MAF: variants seen among roughly 807,000 people sequenced by gnomAD.
MAF encodes the protein MAF bZIP transcription factor.
MAF carries 10 observed loss-of-function variants against 22.0 expected under a neutral mutation model. The observed-to-expected ratio is 0.45, with a 90% confidence interval of 0.28 to 0.77. The LOEUF is 0.77. Ranked by LOEUF, MAF falls within the 30% of genes least tolerant of loss-of-function variation. The pLI is 0.12. For synonymous variants in MAF, 337 were observed against 255.8 expected, an observed-to-expected ratio of 1.32 and a Z score of -3.03; for missense variants, 544 against 548.4, an observed-to-expected ratio of 0.99 and a Z score of 0.08.
chr16:79,557,847 G>A, the MAF span, among the ~76,000 whole-genome samples: 1 of 151,964 alleles, frequency 6.6e-6, no homozygotes, highest in Admixed American at 6.5e-5. Flanking sequence ...GCATTATGAA[G>A]GAGACATGTG....
chr16:79,529,002 C>CA, the MAF span, among the ~76,000 whole-genome samples: 1 of 152,202 alleles, frequency 6.6e-6, no homozygotes, highest in African/African-American at 2.4e-5. Context: ...TTGGTGCCAG[C>CA]AAAAGGAGCT....
the MAF span, among the ~76,000 whole-genome samples, chr16:79,217,666 G>A: frequency 5.9e-5 from 9 of 152,154 alleles, no homozygotes; most frequent in East Asian, 1.9e-4. Flanking sequence ...CTCTGCAGTC[G>A]TTTTCTTCCA....
At chr16:79,278,472 G>A in the MAF span, among the ~76,000 whole-genome samples, 1 of 152,102 alleles carries the variant, frequency 6.6e-6, no homozygotes, top group Non-Finnish European at 1.5e-5. Context: ...CAAATCCTCC[G>A]GCTTGCTTTT....
the MAF span, among the ~76,000 whole-genome samples, chr16:79,448,934 C>T: frequency 1.3e-5 from 2 of 152,056 alleles, no homozygotes; most frequent in African/African-American, 4.8e-5. Context: ...TTATTGTGCA[C>T]TTTATTTCTG....
At chr16:79,258,498 G>A in the MAF span, among the ~76,000 whole-genome samples, 8 of 152,184 alleles carry the variant, frequency 5.3e-5, no homozygotes, top group Admixed American at 1.3e-4. Flanking sequence ...CCTCTCTCCT[G>A]TAATGGAGCT....
chr16:79,527,109 T>A, the MAF span, among the ~76,000 whole-genome samples: 4 of 152,182 alleles, frequency 2.6e-5, no homozygotes, highest in Non-Finnish European at 5.9e-5. Context: ...CACTTGGATA[T>A]AGCTGTGTGT....
At chr16:79,393,702 C>T in the MAF span, among the ~76,000 whole-genome samples, 2 of 152,124 alleles carry the variant, frequency 1.3e-5, no homozygotes, top group African/African-American at 2.4e-5. Flanking sequence ...CCTGGGACAT[C>T]GATGCTTGGC....
the MAF span, chr16:79,204,410 T>TAGG: frequency 6.6e-6 from 1 of 152,160 alleles, no homozygotes; most frequent in Non-Finnish European, 1.5e-5. Context: ...CTTCCCTCGT[T>TAGG]AGGAGTACCC....
At chr16:79,318,590 C>T in the MAF span, among the ~76,000 whole-genome samples, 1 of 152,214 alleles carries the variant, frequency 6.6e-6, no homozygotes. Context: ...TTACTGCTGA[C>T]AGCCCTTGGC....
chr16:79,552,214 T>C, the MAF span, among the ~76,000 whole-genome samples: 1 of 130,018 alleles, frequency 7.7e-6, no homozygotes, highest in African/African-American at 2.6e-5. Context: ...TCTGCTGCTC[T>C]CTCTTCTTTT....
the MAF span, among the ~76,000 whole-genome samples, chr16:79,334,140 A>G: frequency 1.3e-5 from 2 of 152,356 alleles, no homozygotes; most frequent in African/African-American, 4.8e-5. Context: ...CCAAAGACAC[A>G]TTCAAGAACG....
the MAF span, among the ~76,000 whole-genome samples, chr16:79,433,284 A>G: frequency 6.9e-6 from 1 of 145,596 alleles, no homozygotes; most frequent in South Asian, 2.2e-4. Flanking sequence ...AAAAATATAT[A>G]TATATATATA....
the MAF span, among the ~76,000 whole-genome samples, chr16:79,345,331 A>G: frequency 3.3e-5 from 5 of 152,198 alleles, no homozygotes; most frequent in Admixed American, 1.3e-4. Flanking sequence ...CATTTCATCC[A>G]AATTTGTCCT....
chr16:79,265,283 C>T, the MAF span, among the ~76,000 whole-genome samples: 1 of 152,116 alleles, frequency 6.6e-6, no homozygotes, highest in Non-Finnish European at 1.5e-5. Context: ...ATACTTTAAT[C>T]CTGACTATCA....
the MAF span, among the ~76,000 whole-genome samples, chr16:79,501,642 G>A: frequency 2.0e-5 from 3 of 152,156 alleles, no homozygotes; most frequent in African/African-American, 7.2e-5. Context: ...CTGAAATTAT[G>A]CTGACTGTCA....
the MAF span, among the ~76,000 whole-genome samples, chr16:79,387,821 G>C: frequency 5.1e-4 from 78 of 152,248 alleles, no homozygotes; most frequent in East Asian, 5.8e-4. Flanking sequence ...GATTAGAAAA[G>C]ACTAACTTCA....
chr16:79,575,041 T>A, the MAF span, among the ~76,000 whole-genome samples: 2 of 146,364 alleles, frequency 1.4e-5, no homozygotes, highest in Non-Finnish European at 3.0e-5. Flanking sequence ...TTTTTTTTAA[T>A]ACTGATGTCT....
the MAF span, among the ~76,000 whole-genome samples, chr16:79,510,322 A>G: frequency 1.3e-5 from 2 of 152,150 alleles, no homozygotes; most frequent in African/African-American, 4.8e-5. Flanking sequence ...TAGAAGAGAG[A>G]CTGTTTCTCG....
chr16:79,575,391 T>C, the MAF span, among the ~76,000 whole-genome samples: 4 of 152,254 alleles, frequency 2.6e-5, no homozygotes, highest in South Asian at 8.3e-4. Flanking sequence ...ACAATTCCTA[T>C]AACCCCATTT....
Sources: gnomAD v4.1 joint callset for allele counts (sites outside exome capture counted in the v4.1 genomes callset) on GRCh38, gnomAD v4.1.1 for gene constraint, MANE v1.5 for transcripts, NCBI Gene and HGNC (gene_info 2026-07-23, HGNC 2026-07-21) for gene names.